The following SERAC1 variants were observed in gnomAD, a reference collection of about 807,000 sequenced individuals.
SERAC1 encodes the protein serine active site containing 1, also known as protein SERAC1.
SERAC1 carries 36 observed loss-of-function variants against 85.7 expected under a neutral mutation model. The ratio of observed to expected loss-of-function variants is 0.42; its 90% CI spans 0.32 to 0.55. The LOEUF (loss-of-function observed/expected upper bound fraction) is 0.55. Among genes scored for constraint, SERAC1 ranks in the 20% least tolerant of loss-of-function variants. The pLI is 0.11. For missense variants in SERAC1, 629 were observed against 796.2 expected, an observed-to-expected ratio of 0.79 and a Z score of 2.53; for synonymous variants, 242 against 265.3, an observed-to-expected ratio of 0.91 and a Z score of 0.85.
At position 158,144,366 on chromosome 6, in the gene SERAC1, A is replaced by C. The variant is rs1785002291; in HGVS notation, c.542T>G (p.Leu181Trp). Residue 181 changes from leucine to tryptophan, a missense_variant, in exon 7 of 17, where the codon TTG becomes TGG. Physicochemically the swap from Leu to Trp is moderately conservative, Grantham distance 61. Transcript: ENST00000647468. ...QACDPKTLIG[L>W]ARSEESDLRF... ...AAGATCACTCTCTTCGCTTCGTGCC[A>C]AACCAATAAGAGTTTTCGGATCACA... The C allele has an allele frequency of 6.2e-7, 1 of 1,613,678 alleles. No individual in the cohort carries two copies.
intron 1 of SERAC1, among the ~76,000 whole-genome samples, chr6:158,159,504 C>CAG (rs1554265611): frequency 9.2e-6 from 1 of 108,400 alleles, no homozygotes; most frequent in African/African-American, 3.4e-5. Context: ...GACCCGGTTT[C>CAG]AAAAAAAAAA....
rs1203023760 is a variant in SERAC1, at chr6:158,145,990, T to C, written c.487+792A>G. ...CAATTACATATTTCAAATAGTCCAT[T>C]AAAAATGATATACACAAATACAAAT... On this transcript the variant is annotated intron_variant, in intron 6 of 16. Transcript: ENST00000647468. 7 of 152,312 alleles carry C rather than the reference T, an allele frequency of 4.6e-5. No individual in the cohort carries two copies. The East Asian group carries it at 1.2e-3, about 25-fold the overall frequency. The allele number at this position is 152,312 out of a possible 1,614,324, so 9.4% of individuals were successfully genotyped here. A position where few individuals can be genotyped will look rare whatever the true frequency, so the allele number is the denominator to read the frequency against.
intron 10 of SERAC1, among the ~76,000 whole-genome samples, chr6:158,126,916 A>G (rs1282640311): frequency 1.3e-5 from 2 of 152,000 alleles, no homozygotes; most frequent in African/African-American, 4.8e-5. Flanking sequence ...AGCCATGCAC[A>G]ATGGCACGTG....
chr6:158,144,017 C>G (rs1784992109), intron 7 of SERAC1, among the ~76,000 whole-genome samples: 1 of 152,146 alleles, frequency 6.6e-6, no homozygotes, highest in African/African-American at 2.4e-5. Context: ...TACAGAAACT[C>G]AGAAGGGACC....
chr6:158,147,551 G>A lies in SERAC1; in HGVS notation c.356-638C>T, dbSNP rs577946379. ...CGAGGCAGGCGGATCACGAGGTCAG[G>A]AGATCCAGACCATCCTGGCTAACAC... On this transcript the variant is annotated intron_variant, in intron 5 of 16. Coordinates refer to ENST00000647468, the MANE Select transcript of SERAC1 (RefSeq NM_032861.4). 4.6e-4 allele frequency among the ~76,000 whole-genome samples: 69 copies of A among 150,320 alleles called. No individual in the cohort carries two copies. In the South Asian group the frequency reaches 0.014, roughly 31 times the overall value.
chr6:158,113,564 A>G lies in SERAC1; in HGVS notation c.1713T>C (p.Asp571=). 6.2e-7 allele frequency: 1 copy of G among 1,614,014 alleles called. No individual in the cohort carries two copies. Among genetic ancestry groups the G allele is most frequent in the South Asian group, 1.1e-5 (1 of 91,072 alleles). ...KDSPALKTLQ[D]DFLEFAKDKN... ...TGTCTTTAGCAAACTCCAGAAAGTCATCTTGTAGTGTTTTAAGTGCAGGAG... is the reference window on the plus strand; with the variant it reads ...TGTCTTTAGCAAACTCCAGAAAGTCGTCTTGTAGTGTTTTAAGTGCAGGAG... Residue 571 remains aspartate, a synonymous_variant, in exon 16 of 17, where the codon GAT becomes GAC. Coordinates refer to ENST00000647468, the MANE Select transcript of SERAC1 (RefSeq NM_032861.4).
At position 158,148,906 on chromosome 6, in the gene SERAC1, ACTTTT is replaced by A; in HGVS notation, c.309_313del (p.Arg103SerfsTer15). On this transcript the variant is annotated frameshift_variant, in exon 5 of 17. Transcript: ENST00000647468. LOFTEE classifies it high-confidence loss of function. Reference sequence around the variant, plus strand: ...CAGTATCTTGGCTGATGTTGCCAATACTTTTCTTACTGCTTTGTGAAGTTCTTTTC... The same window carrying A: ...CAGTATCTTGGCTGATGTTGCCAATACTTACTGCTTTGTGAAGTTCTTTTC... 1 of 1,612,926 alleles carries A rather than the reference ACTTTT, an allele frequency of 6.2e-7. No homozygotes were observed. The highest frequency in any genetic ancestry group is 8.5e-7 in the Non-Finnish European group (1 of 1,179,518).
At chr6:158,149,141 G>A (rs766093135) in intron 4 of SERAC1, among the ~76,000 whole-genome samples, 187 bp from the exon 5 acceptor site, 2 of 151,912 alleles carry the variant, frequency 1.3e-5, no homozygotes, top group Non-Finnish European at 2.9e-5. Flanking sequence ...ACAGGCCCTC[G>A]CCACCACGCC....
In SERAC1 at chr6:158,120,615, C is replaced by G; in HGVS notation, c.1016-40G>C. ...ACATATCCTAAATACTGATGTGAAT[C>G]CATCGCAGACCACAGAGAGAGTGAG... is the stretch of plus-strand genomic sequence containing the variant. On this transcript the variant is annotated intron_variant, in intron 10 of 16. Transcript: ENST00000647468. The surrounding 1 kb of genome is among the most constrained non-coding windows in gnomAD (Gnocchi z 4.4). 4 of 1,592,198 alleles carry G rather than the reference C, an allele frequency of 2.5e-6. No homozygotes were observed.
chr6:158,140,801 C>T (rs1419615943), intron 8 of SERAC1, among the ~76,000 whole-genome samples: 2 of 152,126 alleles, frequency 1.3e-5, no homozygotes, highest in Non-Finnish European at 2.9e-5. Context: ...GGACACTGAG[C>T]TGATGTTTGA....
chr6:158,142,981 A>G, intron 8 of SERAC1, 75 bp downstream of exon 8: 1 of 1,208,440 alleles, frequency 8.3e-7, no homozygotes, highest in Non-Finnish European at 1.2e-6. Flanking sequence ...TACTGGGTGA[A>G]TGCCAGCCAC....
rs1784358730 is a variant in SERAC1, at chr6:158,119,029, C to T, written c.1308G>A (p.Lys436=). ...DEDRYTTCWP[K]TWLAKDCPAL... ...GGGCCAGAGTCAGTGGCTCCCTTAC[C>T]TTGGGCCAGCACGTCGTATATCTGT... The change falls in exon 12 of 17, where the codon AAG becomes AAA. Residue 436 remains lysine, a splice_region_variant and synonymous_variant. Coordinates refer to ENST00000647468, the MANE Select transcript of SERAC1 (RefSeq NM_032861.4). This position sits in a 1 kb window ranked among gnomAD's most constrained non-coding sequence, Gnocchi z 4.5. The T allele has an allele frequency of 3.1e-6, 5 of 1,611,998 alleles. No individual in the cohort carries two copies. The highest frequency in any genetic ancestry group is 1.3e-5 in the African/African-American group (1 of 74,990).
intron 15 of SERAC1, chr6:158,114,521 C>G: frequency 1.4e-5 from 17 of 1,194,954 alleles, no homozygotes; most frequent in Non-Finnish European, 1.7e-5. Context: ...TACTTAAAAG[C>G]AAAACATTAT....
chr6:158,113,734 G>C (rs1583555836), intron 15 of SERAC1, 142 bp from the exon 16 acceptor site: 1 of 724,606 alleles, frequency 1.4e-6, no homozygotes, highest in Non-Finnish European at 2.2e-6. Context: ...TTTCTCCCCT[G>C]CCAAGAAGCC....
Position 158,155,335 on chromosome 6 carries a change from A to G in SERAC1, c.108T>C (p.Phe36=). ...HWRDIRNIIK[F]TGSLILGGSL... The stretch of plus-strand genomic sequence containing the variant: ...CTTACCCTAAAATAAGTGATCCAGT[A>G]AACTTTATTATATTTCCTTCAAAAG... The change falls in exon 3 of 17, where the codon TTT becomes TTC. Residue 36 remains phenylalanine (F), a synonymous_variant. Transcript: ENST00000647468. The G allele has an allele frequency of 6.4e-7, 1 of 1,554,336 alleles. No individual in the cohort carries two copies. The highest frequency in any genetic ancestry group is 8.9e-7 in the Non-Finnish European group (1 of 1,127,530).
intron 9 of SERAC1, among the ~76,000 whole-genome samples, chr6:158,129,079 C>T (rs929499649): frequency 2.0e-5 from 3 of 152,158 alleles, no homozygotes; most frequent in African/African-American, 7.2e-5. Context: ...TTTAAATATA[C>T]TGTATATCAA....
intron 3 of SERAC1, among the ~76,000 whole-genome samples, chr6:158,153,553 G>A (rs1247512443): frequency 6.6e-6 from 1 of 152,050 alleles, no homozygotes; most frequent in African/African-American, 2.4e-5. Context: ...AAAAAGATTA[G>A]CCAATGTGTA....
intron 13 of SERAC1, chr6:158,116,885 G>A (rs1334023996): frequency 6.5e-6 from 1 of 152,730 alleles, no homozygotes; most frequent in Non-Finnish European, 1.5e-5. Context: ...AATGAGTCAA[G>A]TTTATTAGCA....
chr6:158,113,271 G>C, intron 16 of SERAC1, 178 bp downstream of exon 16: 1 of 567,818 alleles, frequency 1.8e-6, no homozygotes, highest in East Asian at 2.8e-5. Flanking sequence ...TAATACCCGG[G>C]TTATATGTTT....
Sources: gnomAD v4.1 joint callset for allele counts (sites outside exome capture counted in the v4.1 genomes callset) on GRCh38, gnomAD v4.1.1 for gene constraint, Gnocchi (gnomAD v3.1) non-coding constraint, MANE v1.5 for transcripts, NCBI Gene and HGNC (gene_info 2026-07-23, HGNC 2026-07-21) for gene names.